Variants in ULK4 observed in about 807,000 individuals in gnomAD.
ULK4 encodes the protein unc-51 like kinase 4, also known as inactive serine/threonine-protein kinase ULK4.
Under a neutral mutation model 160.6 loss-of-function variants are expected in ULK4, and 133 were observed. That is an observed-to-expected ratio of 0.83 (90% CI 0.72 to 0.96). The LOEUF is 0.96. Among genes scored for constraint, ULK4 ranks in the 40% least tolerant of loss-of-function variants. The pLI, the probability that ULK4 is intolerant of heterozygous loss-of-function variation, is 0.00. For missense variants in ULK4, 1,580 were observed against 1,499.5 expected, an observed-to-expected ratio of 1.05 and a Z score of -0.89; for synonymous variants, 534 against 539.8, an observed-to-expected ratio of 0.99 and a Z score of 0.15.
At chr3:41,510,969 T>C (rs1043550092) in intron 32 of ULK4, among the ~76,000 whole-genome samples, 9 of 151,950 alleles carry the variant, frequency 5.9e-5, no homozygotes, top group Non-Finnish European at 1.0e-4. Context: ...GAGACCATCC[T>C]GGCTAACACG....
At chr3:41,804,055 T>G (rs6793567) in intron 19 of ULK4, among the ~76,000 whole-genome samples, 1 of 151,378 alleles carries the variant, frequency 6.6e-6, no homozygotes, top group South Asian at 2.1e-4. Context: ...GCTCAGGAAT[T>G]GCCACACTGA....
At chr3:41,633,134 G>A (rs192737406) in intron 30 of ULK4, among the ~76,000 whole-genome samples, 14 of 152,310 alleles carry the variant, frequency 9.2e-5, no homozygotes, top group East Asian at 5.8e-4. Context: ...AAGCCACAGC[G>A]GATCACAGAA....
At chr3:41,787,124 CA>C (rs1185880856) in intron 21 of ULK4, among the ~76,000 whole-genome samples, 1 of 152,114 alleles carries the variant, frequency 6.6e-6, no homozygotes, top group Non-Finnish European at 1.5e-5. Context: ...CCAACCCCAC[CA>C]GCAAAGAGCA....
chr3:41,364,066 G>A (rs965167197), intron 35 of ULK4, among the ~76,000 whole-genome samples: 1 of 152,076 alleles, frequency 6.6e-6, no homozygotes, highest in African/African-American at 2.4e-5. Context: ...TGAGTAGCTA[G>A]GACTACAGGC....
intron 17 of ULK4, among the ~76,000 whole-genome samples, chr3:41,847,920 G>A (rs1490182229): frequency 5.3e-5 from 8 of 152,146 alleles, no homozygotes; most frequent in African/African-American, 1.9e-4. Flanking sequence ...TAATGCCAGG[G>A]GAGACAGATA....
chr3:41,604,203 A>G (rs1356023303), intron 31 of ULK4, among the ~76,000 whole-genome samples: 1 of 152,096 alleles, frequency 6.6e-6, no homozygotes, highest in Non-Finnish European at 1.5e-5. Flanking sequence ...TAAGAGGTCA[A>G]TGTGGTAAAA....
At position 41,644,937 on chromosome 3, in the gene ULK4, G is replaced by A. The variant is rs557363688; in HGVS notation, c.3071+18670C>T. Among the ~76,000 whole-genome samples, 230 of 151,980 alleles carry A rather than the reference G, an allele frequency of 1.5e-3. 1 individual carries two copies. The highest frequency in any genetic ancestry group is 3.4e-3 in the Middle Eastern group (1 of 294). On this transcript the variant is annotated intron_variant, in intron 30 of 36. Coordinates refer to ENST00000301831, the MANE Select transcript of ULK4 (RefSeq NM_017886.4). ...TTAGTCTTGGGAGGGTGTATGTGTC[G>A]AGGAATTTATCCATTTCTTCTAGAT...
intron 17 of ULK4, among the ~76,000 whole-genome samples, chr3:41,858,779 A>C (rs148996049): frequency 2.0e-3 from 308 of 151,478 alleles, no homozygotes; most frequent in African/African-American, 7.2e-3. Flanking sequence ...TGTCGGGATT[A>C]TAGGCATGAG....
At chr3:41,579,988 C>A (rs1013418222) in intron 31 of ULK4, among the ~76,000 whole-genome samples, 3 of 152,192 alleles carry the variant, frequency 2.0e-5, no homozygotes, top group African/African-American at 2.4e-5. Context: ...TTTCTTGACT[C>A]ATGGAGCACA....
chr3:41,261,238 ACATTT>A (rs2078935472), intron 35 of ULK4, among the ~76,000 whole-genome samples: 1 of 152,216 alleles, frequency 6.6e-6, no homozygotes, highest in African/African-American at 2.4e-5. Context: ...AAGGAAATTA[ACATTT>A]CTGAGCACCT....
chr3:41,388,507 G>A (rs1184023269), intron 35 of ULK4, among the ~76,000 whole-genome samples: 1 of 152,052 alleles, frequency 6.6e-6, no homozygotes, highest in Non-Finnish European at 1.5e-5. Flanking sequence ...TATGGTTTTA[G>A]GTCTAACGTG....
rs950340005 is a variant in ULK4, at chr3:41,706,885, G to A, written c.2635-1580C>T. Among the ~76,000 whole-genome samples, 1,162 of 127,494 alleles carry A rather than the reference G, an allele frequency of 9.1e-3. 18 individuals carry two copies. Among genetic ancestry groups the A allele is most frequent in the East Asian group, 0.036 (174 of 4,784 alleles). The allele number at this position is 127,494 out of a possible 152,430, so 83.6% of individuals were successfully genotyped here. A position where few individuals can be genotyped will look rare whatever the true frequency, so the allele number is the denominator to read the frequency against. On this transcript the variant is annotated intron_variant, in intron 25 of 36. Coordinates refer to ENST00000301831, the MANE Select transcript of ULK4 (RefSeq NM_017886.4). Reference sequence around the variant, plus strand: ...TGTGTGTGTGTGTGTGTGTGTGTGTGTGTGTATATATATATAGAGAGAGAG... The same window carrying A: ...TGTGTGTGTGTGTGTGTGTGTGTGTATGTGTATATATATATAGAGAGAGAG...
chr3:41,290,819 T>C (rs965884013), intron 35 of ULK4, among the ~76,000 whole-genome samples: 4 of 152,238 alleles, frequency 2.6e-5, no homozygotes, highest in African/African-American at 7.2e-5. Flanking sequence ...TTCCTGCCTG[T>C]ATGCAGGAAT....
At chr3:41,560,542 G>C (rs964889860) in intron 32 of ULK4, among the ~76,000 whole-genome samples, 8 of 152,134 alleles carry the variant, frequency 5.3e-5, no homozygotes, top group Non-Finnish European at 1.2e-4. Context: ...ACTTCATTGA[G>C]CAGTGGTTTG....
chr3:41,348,729 T>A (rs1283736402), intron 35 of ULK4, among the ~76,000 whole-genome samples: 5 of 152,198 alleles, frequency 3.3e-5, no homozygotes, highest in Non-Finnish European at 7.3e-5. Context: ...GTCCTTTATA[T>A]CTGCATAACA....
At chr3:41,844,590 G>A (rs1355322141) in intron 17 of ULK4, among the ~76,000 whole-genome samples, 1 of 152,142 alleles carries the variant, frequency 6.6e-6, no homozygotes, top group African/African-American at 2.4e-5. Flanking sequence ...CTCCAGCCTT[G>A]GCCAGCCCAG....
intron 17 of ULK4, among the ~76,000 whole-genome samples, chr3:41,881,284 TAAAAAAAAA>T (rs58977381): frequency 0.039 from 4,879 of 126,166 alleles, 96 homozygotes; most frequent in African/African-American, 0.043. Context: ...CAGAAACTTC[TAAAAAAAAA>T]AAAAAAAAAA....
chr3:41,785,530 G>C (rs1422993541), intron 21 of ULK4, among the ~76,000 whole-genome samples: 1 of 152,116 alleles, frequency 6.6e-6, no homozygotes, highest in Non-Finnish European at 1.5e-5. Flanking sequence ...GAACTCTTTT[G>C]GAGACTGGGT....
chr3:41,589,203 TCTA>T (rs1027255838), intron 31 of ULK4, among the ~76,000 whole-genome samples: 2 of 151,928 alleles, frequency 1.3e-5, no homozygotes, highest in Non-Finnish European at 2.9e-5. Flanking sequence ...GACCAGGTGT[TCTA>T]CTATGAGGCA....
Sources: gnomAD v4.1 joint callset for allele counts (sites outside exome capture counted in the v4.1 genomes callset) on GRCh38, gnomAD v4.1.1 for gene constraint, MANE v1.5 for transcripts, NCBI Gene and HGNC (gene_info 2026-07-23, HGNC 2026-07-21) for gene names.